Variants in PTN observed in about 807,000 individuals in gnomAD.
PTN encodes the protein pleiotrophin, also known as heparin affin regulatory protein.
Under a neutral mutation model 24.1 loss-of-function variants are expected in PTN, and 18 were observed. That is an observed-to-expected ratio of 0.75 (90% CI 0.52 to 1.11). The LOEUF is 1.11. Among genes scored for constraint, PTN ranks in the 50% least tolerant of loss-of-function variants. PTN has a pLI of 0.00. For synonymous variants in PTN, 78 were observed against 68.6 expected (o/e 1.14, Z -0.67); for missense variants, 163 against 198.8 (o/e 0.82, Z 1.08).
Position 137,303,137 on chromosome 7 carries a change from T to C in PTN, c.-2+40302A>G, listed in dbSNP as rs372775276. On this transcript the variant is annotated intron_variant, in intron 1 of 4. Coordinates refer to ENST00000348225, the MANE Select transcript of PTN (RefSeq NM_002825.7). ...TTTTATATGGCTCTGAATTCCACTA[T>C]GTGTTTCAGACTTGAAGAGTTTACT... Among the ~76,000 whole-genome samples the C allele has an allele frequency of 1.1e-4, 16 of 152,116 alleles. No homozygotes were observed. In the South Asian group the frequency reaches 2.9e-3, roughly 28 times the overall value.
chr7:137,326,190 T>C (rs1379307600), intron 1 of PTN: 1 of 152,146 alleles, frequency 6.6e-6, no homozygotes, highest in African/African-American at 2.4e-5. Context: ...ATTGAGGGTG[T>C]CCACAGTTCA....
At chr7:137,310,390 G>GTTTTTTTTTTTTTT (rs36009703) in intron 1 of PTN, among the ~76,000 whole-genome samples, 2 of 137,204 alleles carry the variant, frequency 1.5e-5, no homozygotes, top group Non-Finnish European at 3.1e-5. Flanking sequence ...AAGTTACCAT[G>GTTTTTTTTTTTTTT]TTTTTTTTTT....
At chr7:137,242,727 C>A (rs1808652269) in intron 4 of PTN, among the ~76,000 whole-genome samples, 2 of 152,194 alleles carry the variant, frequency 1.3e-5, no homozygotes, top group African/African-American at 2.4e-5. Flanking sequence ...CAAGCCCCAG[C>A]CCCTGCTTTA....
chr7:137,274,341 G>C (rs1023755198), intron 1 of PTN, among the ~76,000 whole-genome samples: 1 of 152,146 alleles, frequency 6.6e-6, no homozygotes. Flanking sequence ...CTAGTTAGGA[G>C]ATACAATAGT....
At chr7:137,237,405 G>A (rs916460375) in intron 4 of PTN, among the ~76,000 whole-genome samples, 3 of 152,072 alleles carry the variant, frequency 2.0e-5, no homozygotes, top group African/African-American at 7.2e-5. Flanking sequence ...ACTTTGTCAC[G>A]ACAGCCCTAG....
intron 1 of PTN, among the ~76,000 whole-genome samples, chr7:137,311,612 T>C (rs193181114): frequency 6.6e-6 from 1 of 152,314 alleles, no homozygotes; most frequent in African/African-American, 2.4e-5. Flanking sequence ...GGTTACTAGT[T>C]GGCCTAATTT....
intron 1 of PTN, among the ~76,000 whole-genome samples, chr7:137,337,777 A>G (rs1810473131): frequency 6.6e-6 from 1 of 152,172 alleles, no homozygotes; most frequent in African/African-American, 2.4e-5. Context: ...GAGAATGGGA[A>G]TGCTTGGGCT....
At chr7:137,342,835 T>A (rs190610416) in intron 1 of PTN, among the ~76,000 whole-genome samples, 136 of 152,306 alleles carry the variant, frequency 8.9e-4, no homozygotes, top group African/African-American at 3.2e-3. Context: ...TTCTAAACTT[T>A]GGACCTAACC....
intron 4 of PTN, among the ~76,000 whole-genome samples, chr7:137,246,255 T>C (rs562163646): frequency 8.5e-5 from 13 of 152,298 alleles, no homozygotes; most frequent in Non-Finnish European, 1.5e-4. Flanking sequence ...ATACCTATCA[T>C]TGTGTTACAA....
At chr7:137,233,576 GTCTT>G (rs148312079) in intron 4 of PTN, among the ~76,000 whole-genome samples, 3,042 of 152,020 alleles carry the variant, frequency 0.02, 34 homozygotes, top group Middle Eastern at 0.041. Context: ...TTATGGGAGA[GTCTT>G]TCAAAATTGT....
intron 1 of PTN, among the ~76,000 whole-genome samples, chr7:137,314,117 C>G (rs566137341): frequency 1.4e-4 from 21 of 152,186 alleles, no homozygotes; most frequent in African/African-American, 5.1e-4. Flanking sequence ...AGTAGAAAGG[C>G]AGAAGAAAAT....
At chr7:137,279,975 A>C (rs1263643961) in intron 1 of PTN, among the ~76,000 whole-genome samples, 1 of 152,242 alleles carries the variant, frequency 6.6e-6, no homozygotes, top group Non-Finnish European at 1.5e-5. Flanking sequence ...GGACTTATCA[A>C]ATTAATTGAA....
chr7:137,297,502 T>A (rs567458290), intron 1 of PTN, among the ~76,000 whole-genome samples: 1 of 152,014 alleles, frequency 6.6e-6, no homozygotes, highest in African/African-American at 2.4e-5. Context: ...TGTTGGAACA[T>A]ACTGAGATGA....
intron 4 of PTN, among the ~76,000 whole-genome samples, chr7:137,247,434 G>A (rs540555903): frequency 1.1e-4 from 17 of 152,138 alleles, no homozygotes; most frequent in Non-Finnish European, 1.8e-4. Flanking sequence ...GAAACATTGC[G>A]TGTACTCACT....
chr7:137,248,434 C>T (rs1210870847), intron 4 of PTN, among the ~76,000 whole-genome samples: 1 of 152,058 alleles, frequency 6.6e-6, no homozygotes, highest in African/African-American at 2.4e-5. Context: ...GCCTTTAATC[C>T]CAGCACTTTG....
At chr7:137,269,290 A>T (rs1809223078) in intron 1 of PTN, among the ~76,000 whole-genome samples, 1 of 151,910 alleles carries the variant, frequency 6.6e-6, no homozygotes, top group Admixed American at 6.6e-5. Context: ...CTCTTGATCA[A>T]TTTTGATTTT....
intron 1 of PTN, among the ~76,000 whole-genome samples, chr7:137,337,066 A>G (rs1172068064): frequency 6.6e-6 from 1 of 152,172 alleles, no homozygotes. Flanking sequence ...CCGTATCCAC[A>G]TGCCCTGTCG....
At chr7:137,247,685 T>C (rs374262346) in intron 4 of PTN, among the ~76,000 whole-genome samples, 42 of 152,170 alleles carry the variant, frequency 2.8e-4, no homozygotes, top group Non-Finnish European at 5.1e-4. Context: ...CAAGGATAAA[T>C]GCTTGAGGGG....
intron 1 of PTN, among the ~76,000 whole-genome samples, chr7:137,296,679 T>A (rs1396115581): frequency 6.6e-6 from 1 of 152,124 alleles, no homozygotes; most frequent in East Asian, 1.9e-4. Flanking sequence ...GATTTCACAC[T>A]GCATAAGTTG....
Sources: gnomAD v4.1 joint callset for allele counts (sites outside exome capture counted in the v4.1 genomes callset) on GRCh38, gnomAD v4.1.1 for gene constraint, MANE v1.5 for transcripts, NCBI Gene and HGNC (gene_info 2026-07-23, HGNC 2026-07-21) for gene names.